Variants in KCTD1 observed in about 807,000 individuals in gnomAD.
The protein encoded by KCTD1 is BTB/POZ domain-containing protein KCTD1.
KCTD1 carries 24 observed loss-of-function variants against 66.0 expected under a neutral mutation model. The ratio of observed to expected loss-of-function variants is 0.36; its 90% CI spans 0.26 to 0.51. KCTD1 has a LOEUF of 0.51. Ranked by LOEUF, KCTD1 falls within the 20% of genes least tolerant of loss-of-function variation. KCTD1 has a pLI of 0.95. For synonymous variants in KCTD1, 511 were observed against 517.2 expected (o/e 0.99, Z 0.16); for missense variants, 943 against 1,205.2 (o/e 0.78, Z 3.22).
At chr18:26,558,196 G>A (rs1212170984) in intron 1 of KCTD1, among the ~76,000 whole-genome samples, 1 of 152,224 alleles carries the variant, frequency 6.6e-6, no homozygotes, top group African/African-American at 2.4e-5. Flanking sequence ...ACAGGCACAT[G>A]AAAATGTGCT....
chr18:26,517,683 A>G (rs940734216), intron 1 of KCTD1, among the ~76,000 whole-genome samples: 2 of 150,420 alleles, frequency 1.3e-5, no homozygotes, highest in African/African-American at 2.4e-5. Flanking sequence ...AAAAAAAAAA[A>G]GGGTAGTTTC....
At chr18:26,586,153 C>T (rs1223850352) in intron 1 of KCTD1, among the ~76,000 whole-genome samples, 1 of 152,254 alleles carries the variant, frequency 6.6e-6, no homozygotes, top group Non-Finnish European at 1.5e-5. Context: ...TGTGGCAACA[C>T]TATATCTAGC....
intron 1 of KCTD1, among the ~76,000 whole-genome samples, chr18:26,572,778 G>A (rs1338964392): frequency 1.3e-5 from 2 of 152,282 alleles, no homozygotes; most frequent in African/African-American, 4.8e-5. Context: ...AGCTAGGTGA[G>A]GAGCTCCCAT....
intron 1 of KCTD1, 143 bp downstream of exon 1, chr18:26,546,585 A>G: frequency 1.0e-6 from 1 of 953,244 alleles, no homozygotes. Context: ...AAGAGAGTTA[A>G]CTTCTAAGGG....
At chr18:26,620,927 G>C (rs62085523) in intron 1 of KCTD1, among the ~76,000 whole-genome samples, 1 of 151,096 alleles carries the variant, frequency 6.6e-6, no homozygotes, top group Non-Finnish European at 1.5e-5. Context: ...CCGCCTCCCG[G>C]GTTCACGCCA....
At chr18:26,621,725 A>G (rs961998453) in intron 1 of KCTD1, among the ~76,000 whole-genome samples, 1 of 152,226 alleles carries the variant, frequency 6.6e-6, no homozygotes, top group Admixed American at 6.5e-5. Context: ...TTGGTTTGAA[A>G]ATACAATTTA....
chr18:26,620,090 A>G (rs752990741), intron 1 of KCTD1, among the ~76,000 whole-genome samples: 2 of 152,082 alleles, frequency 1.3e-5, no homozygotes, highest in Non-Finnish European at 2.9e-5. Flanking sequence ...GAGGGCAGAG[A>G]TGAGGGGTTT....
intron 1 of KCTD1, among the ~76,000 whole-genome samples, chr18:26,605,312 C>A (rs1245963993): frequency 1.3e-5 from 2 of 152,142 alleles, no homozygotes; most frequent in South Asian, 4.1e-4. Flanking sequence ...ACCACACATT[C>A]GACCTGGCAA....
intron 1 of KCTD1, among the ~76,000 whole-genome samples, chr18:26,559,980 C>T (rs1460685217): frequency 2.0e-5 from 3 of 152,172 alleles, no homozygotes; most frequent in African/African-American, 7.2e-5. Context: ...TTTCTTCCTT[C>T]TACTCTCGTT....
Position 26,577,200 on chromosome 18 carries a change from T to C in KCTD1, c.-16+51947A>G, listed in dbSNP as rs184272666. Among the ~76,000 whole-genome samples the C allele has an allele frequency of 7.2e-5, 11 of 152,344 alleles. No individual in the cohort carries two copies. In the East Asian group the frequency reaches 2.1e-3, roughly 29 times the overall value. On this transcript the variant is annotated intron_variant, in intron 1 of 4. Coordinates refer to the KCTD1 transcript ENST00000317932. Reference sequence around the variant, plus strand: ...TGTGCTTTGTGGATGTTAGAACACCTACACACTCCTTCCATTTCTTCAGAC... The same window carrying C: ...TGTGCTTTGTGGATGTTAGAACACCCACACACTCCTTCCATTTCTTCAGAC...
At position 26,455,479 on chromosome 18, in the gene KCTD1, G is replaced by A. The variant is rs1980014750; in HGVS notation, c.*264C>T. 3 of 184,424 alleles carry A rather than the reference G, an allele frequency of 1.6e-5. No homozygotes were observed. Among genetic ancestry groups the A allele is most frequent in the South Asian group, 1.7e-4 (1 of 5,948 alleles). The allele number at this position is 184,424 out of a possible 1,614,324, so 11.4% of individuals were successfully genotyped here. The stretch of plus-strand genomic sequence containing the variant: ...GGCCATCACAGCACCAACTGCGGCT[G>A]TCACCTTTTTTTTTTTTCTTTTTTG... On this transcript the variant is annotated 3_prime_UTR_variant, in exon 5 of 5. Transcript: ENST00000580059.
intron 2 of KCTD1, among the ~76,000 whole-genome samples, chr18:26,478,166 A>G (rs188366203): frequency 1.3e-5 from 2 of 152,340 alleles, no homozygotes; most frequent in East Asian, 3.9e-4. Context: ...AACATGATAA[A>G]TTTCCAGTTG....
intron 3 of KCTD1, 51 bp from the exon 4 acceptor site, chr18:26,459,976 A>G: frequency 7.4e-7 from 1 of 1,342,318 alleles, no homozygotes; most frequent in Non-Finnish European, 1.0e-6. Context: ...ATAAAGTACT[A>G]AACATGTCCA....
chr18:26,548,858 G>A, upstream of KCTD1: 1 of 1,014,780 alleles, frequency 9.9e-7, no homozygotes, highest in African/African-American at 1.7e-5. Context: ...GGGAGGGAGA[G>A]CTGTCGGTGG....
intron 1 of KCTD1, among the ~76,000 whole-genome samples, chr18:26,623,740 G>A (rs1293171244): frequency 1.3e-5 from 2 of 152,172 alleles, no homozygotes; most frequent in Admixed American, 1.3e-4. Flanking sequence ...GCTGCTATAA[G>A]GATACCTGAA....
Position 26,547,633 on chromosome 18 carries a change from T to C in KCTD1, c.904A>G (p.Thr302Ala), listed in dbSNP as rs1444872582. The change falls in exon 1 of 5, where the codon ACG becomes GCG. Residue 302 changes from threonine to alanine, a missense_variant. Physicochemically the swap from Thr to Ala is moderately conservative, Grantham distance 58. Transcript: ENST00000580059. ...LYTSSVFSTNTPFGLLNKVWF... is the reference protein window; with the variant it reads ...LYTSSVFSTNAPFGLLNKVWF... The stretch of plus-strand genomic sequence containing the variant: ...ACCTTGTTGAGCAGCCCGAAGGGCG[T>C]GTTGGTGCTGAAGACGCTGGAGGTG... The C allele has an allele frequency of 3.2e-5, 49 of 1,551,452 alleles. No individual in the cohort carries two copies. The highest frequency in any genetic ancestry group is 4.3e-5 in the Non-Finnish European group (49 of 1,146,918).
chr18:26,505,544 C>A (rs1353010877), intron 1 of KCTD1, among the ~76,000 whole-genome samples: 1 of 152,226 alleles, frequency 6.6e-6, no homozygotes, highest in South Asian at 2.1e-4. Context: ...TTGTTCTCTC[C>A]TTTGCAACAT....
chr18:26,467,109 G>A (rs1386290034), intron 3 of KCTD1, among the ~76,000 whole-genome samples: 2 of 151,450 alleles, frequency 1.3e-5, no homozygotes, highest in African/African-American at 2.4e-5. Flanking sequence ...TTGGCAGTCT[G>A]AGTGGTGGGA....
chr18:26,468,011 CAGAGAG>C lies in KCTD1; in HGVS notation c.2134-8092_2134-8087del, dbSNP rs370555675. Among the ~76,000 whole-genome samples, 2 of 149,786 alleles carry C rather than the reference CAGAGAG, an allele frequency of 1.3e-5. No homozygotes were observed. Among genetic ancestry groups the C allele is most frequent in the African/African-American group, 2.4e-5 (1 of 40,932 alleles). On this transcript the variant is annotated intron_variant, in intron 3 of 4. Transcript: ENST00000580059. This position sits in a 1 kb window ranked among gnomAD's most constrained non-coding sequence, Gnocchi z 4.8. ...AGATGATGTTAAAGATAAAAGGCTACAGAGAGAGAGAGAGAGAGAAAGAGAGAATTG... is the reference window on the plus strand; with the variant it reads ...AGATGATGTTAAAGATAAAAGGCTACAGAGAGAGAGAGAAAGAGAGAATTG...
Sources: gnomAD v4.1 joint callset for allele counts (sites outside exome capture counted in the v4.1 genomes callset) on GRCh38, gnomAD v4.1.1 for gene constraint, Gnocchi (gnomAD v3.1) non-coding constraint, MANE v1.5 for transcripts, NCBI Gene and HGNC (gene_info 2026-07-23, HGNC 2026-07-21) for gene names.